Variants in TSBP1 observed in about 807,000 individuals in gnomAD.
TSBP1 encodes testis-expressed basic protein 1.
Under a neutral mutation model 68.8 loss-of-function variants are expected in TSBP1, and 56 were observed. The ratio of observed to expected loss-of-function variants is 0.81; its 90% CI spans 0.66 to 1.02. TSBP1 has a LOEUF of 1.02. TSBP1 is among the 50% of genes least tolerant of loss of function. TSBP1 has a pLI of 0.00. For synonymous variants in TSBP1, 171 were observed against 208.7 expected (o/e 0.82, Z 1.56); for missense variants, 502 against 641.2 (o/e 0.78, Z 2.34).
chr6:32,322,170 G>A (rs1767703593), intron 18 of TSBP1, among the ~76,000 whole-genome samples: 1 of 152,168 alleles, frequency 6.6e-6, no homozygotes, highest in East Asian at 1.9e-4. Flanking sequence ...AACCAAATTT[G>A]CATTTTGGAA....
rs370824211 is a variant in TSBP1 at position 32,314,414 on chromosome 6, G to A, written c.580+1358C>T. On this transcript the variant is annotated intron_variant, in intron 19 of 22. Coordinates refer to ENST00000612031, the Ensembl canonical transcript of TSBP1. This position sits in a 1 kb window ranked among gnomAD's most constrained non-coding sequence, Gnocchi z 4.2. ...TGTGAGACCAATAATCCCTTCTCCT[G>A]AACTTTGGTGGGCCTTGGTCTCTGT... Among the ~76,000 whole-genome samples the A allele has an allele frequency of 4.6e-5, 7 of 152,282 alleles. No individual in the cohort carries two copies. The highest frequency in any genetic ancestry group is 1.7e-4 in the African/African-American group (7 of 41,564).
At chr6:32,370,421 A>G (rs202220064) in intron 1 of TSBP1, among the ~76,000 whole-genome samples, 18,675 of 84,272 alleles carry the variant, frequency 0.22, 1,968 homozygotes, top group Middle Eastern at 0.4. Flanking sequence ...ATATATATAT[A>G]TATATATATA....
intron 16 of TSBP1, among the ~76,000 whole-genome samples, chr6:32,324,225 C>T (rs1206609599): frequency 6.6e-6 from 1 of 152,010 alleles, no homozygotes; most frequent in African/African-American, 2.4e-5. Context: ...AAAGGTGATA[C>T]AAATTTTTCT....
chr6:32,344,934 T>A (rs1770819251), intron 9 of TSBP1, among the ~76,000 whole-genome samples: 1 of 152,096 alleles, frequency 6.6e-6, no homozygotes, highest in Non-Finnish European at 1.5e-5. Context: ...TAGCTCACTA[T>A]AACCTCTCAC....
intron 8 of TSBP1, chr6:32,350,121 C>G (rs1490641580): frequency 1.8e-6 from 1 of 561,614 alleles, no homozygotes. Flanking sequence ...TACCTTTCCT[C>G]CACCTCTTCC....
intron 6 of TSBP1, 144 bp downstream of exon 6, chr6:32,366,013 GGTGAACATTT>G (rs1773658166): frequency 5.9e-6 from 7 of 1,190,110 alleles, no homozygotes; most frequent in Non-Finnish European, 8.5e-6. Flanking sequence ...ATAGCGTGAT[GGTGAACATTT>G]GTGAACATTT....
Position 32,321,280 on chromosome 6 carries a change from T to C in TSBP1, c.559+1837A>G, listed in dbSNP as rs542211998. On this transcript the variant is annotated intron_variant, in intron 18 of 22. Transcript: ENST00000612031. The surrounding 1 kb of genome is among the most constrained non-coding windows in gnomAD (Gnocchi z 4.3). The stretch of plus-strand genomic sequence containing the variant: ...CCCTAGTTACTTTTGCGTGCTTTTT[T>C]TCATCCCCTCTACTAGGATGATATA... 6.6e-6 allele frequency among the ~76,000 whole-genome samples: 1 copy of C among 152,300 alleles called. No homozygotes were observed. The highest frequency in any genetic ancestry group is 2.4e-5 in the African/African-American group (1 of 41,576).
rs1303585399 is a variant in TSBP1, at chr6:32,315,474, A to G, written c.580+298T>C. ...CCACTTGGGAGGCTCAGGCAGGAGA[A>G]TTGCTTGGACTCGGCAGGTGGAGGT... is the stretch of plus-strand genomic sequence containing the variant. On this transcript the variant is annotated intron_variant, in intron 19 of 22. Coordinates refer to ENST00000612031, the Ensembl canonical transcript of TSBP1. The surrounding 1 kb of genome is among the most constrained non-coding windows in gnomAD (Gnocchi z 5.4). Among the ~76,000 whole-genome samples, 1 of 152,150 alleles carries G rather than the reference A, an allele frequency of 6.6e-6. No individual in the cohort carries two copies. The highest frequency in any genetic ancestry group is 1.5e-5 in the Non-Finnish European group (1 of 68,034).
At chr6:32,300,617 G>C in intron 21 of TSBP1, 63 bp downstream of exon 24, 8 of 1,479,138 alleles carry the variant, frequency 5.4e-6, no homozygotes, top group Non-Finnish European at 7.6e-6. Context: ...GAACATTTGG[G>C]AAAAAGAACT....
chr6:32,370,931 T>C (rs948951401), intron 1 of TSBP1, among the ~76,000 whole-genome samples: 5 of 152,008 alleles, frequency 3.3e-5, no homozygotes, highest in African/African-American at 9.7e-5. Flanking sequence ...CTGAAGAATA[T>C]TGAGCTCTGA....
intron 15 of TSBP1, among the ~76,000 whole-genome samples, chr6:32,331,243 A>T (rs1381277829): frequency 1.3e-5 from 2 of 151,422 alleles, no homozygotes; most frequent in Non-Finnish European, 2.9e-5. Flanking sequence ...ACTCTGTTTC[A>T]CTCTCAGCTA....
chr6:32,322,375 T>G lies in TSBP1; in HGVS notation c.559+742A>C, dbSNP rs974925549. ...ACTTGCAGTCCTAATCTTGAAGACTTTGGGTAATGTAGAAGCAAATGAATA... is the reference window on the plus strand; with the variant it reads ...ACTTGCAGTCCTAATCTTGAAGACTGTGGGTAATGTAGAAGCAAATGAATA... On this transcript the variant is annotated intron_variant, in intron 18 of 22. Transcript: ENST00000612031. 3.9e-6 allele frequency: 3 copies of G among 771,820 alleles called. No homozygotes were observed. In the African/African-American group the frequency reaches 5.2e-5, roughly 13 times the overall value. 47.8% of individuals were successfully genotyped at this position (771,820 alleles called of 1,614,324 possible). A position where few individuals can be genotyped will look rare whatever the true frequency, so the allele number is the denominator to read the frequency against.
chr6:32,361,751 T>C lies in TSBP1; in HGVS notation c.217+4416A>G, dbSNP rs918783353. On this transcript the variant is annotated intron_variant, in intron 6 of 22. Coordinates refer to ENST00000612031, the Ensembl canonical transcript of TSBP1. This position sits in a 1 kb window ranked among gnomAD's most constrained non-coding sequence, Gnocchi z 4.3. ...TTAGTCCATTTTAAAATCAGCTTAT[T>C]TGTTTCAGCTGTATTTTGAGTTGTA... 1.3e-5 allele frequency among the ~76,000 whole-genome samples: 2 copies of C among 152,188 alleles called. No individual in the cohort carries two copies. The highest frequency in any genetic ancestry group is 2.9e-5 in the Non-Finnish European group (2 of 68,034).
intron 9 of TSBP1, among the ~76,000 whole-genome samples, chr6:32,347,429 A>G (rs1384094842): frequency 2.6e-5 from 4 of 152,164 alleles, no homozygotes; most frequent in Non-Finnish European, 2.9e-5. Flanking sequence ...ACCCATATAC[A>G]TGCCTGAATG....
chr6:32,371,219 A>G (rs967256729), intron 1 of TSBP1, among the ~76,000 whole-genome samples: 1 of 152,140 alleles, frequency 6.6e-6, no homozygotes, highest in African/African-American at 2.4e-5. Context: ...CGGGGAGGAA[A>G]GGATAACTAG....
Position 32,337,027 on chromosome 6 carries a change from G to GT in TSBP1, c.410-393dup, listed in dbSNP as rs1769759359. On this transcript the variant is annotated intron_variant, in intron 11 of 22. Transcript: ENST00000612031. This position sits in a 1 kb window ranked among gnomAD's most constrained non-coding sequence, Gnocchi z 5.5. ...GAGAAATCCTGCAGGGGTAGAAATG[G>GT]TAACAGTTAGGATGTGGAGAGGACC... is the stretch of plus-strand genomic sequence containing the variant. Among the ~76,000 whole-genome samples the GT allele has an allele frequency of 1.3e-5, 2 of 152,160 alleles. No homozygotes were observed. Among genetic ancestry groups the GT allele is most frequent in the East Asian group, 3.8e-4 (2 of 5,198 alleles).
intron 22 of TSBP1, among the ~76,000 whole-genome samples, chr6:32,297,490 G>T (rs1562052712): frequency 6.6e-6 from 1 of 152,106 alleles, no homozygotes; most frequent in Non-Finnish European, 1.5e-5. Context: ...TAGAATGTGG[G>T]CTTTATTAGG....
chr6:32,300,552 A>C (rs752000149), intron 21 of TSBP1, 128 bp downstream of exon 24: 45 of 776,018 alleles, frequency 5.8e-5, no homozygotes, highest in Non-Finnish European at 9.2e-5. Context: ...AATATGAGGA[A>C]ATCACTTATT....
chr6:32,369,616 G>A (rs981635737), intron 2 of TSBP1, among the ~76,000 whole-genome samples: 2 of 152,106 alleles, frequency 1.3e-5, no homozygotes, highest in Non-Finnish European at 2.9e-5. Flanking sequence ...TGATCCGCCC[G>A]CCTTGGCCTC....
Sources: allele counts gnomAD v4.1 joint callset (sites outside exome capture counted in the v4.1 genomes callset), GRCh38; gene constraint gnomAD v4.1.1; non-coding constraint Gnocchi (gnomAD v3.1); transcripts MANE v1.5; gene names NCBI Gene and HGNC (gene_info 2026-07-23, HGNC 2026-07-21).